Variants in FAM114A2 observed in about 807,000 individuals in gnomAD.
The protein encoded by FAM114A2 is family with sequence similarity 114 member A2.
A neutral mutation model predicts 58.4 loss-of-function variants in FAM114A2; 53 were observed. That is an observed-to-expected ratio of 0.91 (90% CI 0.73 to 1.14). The LOEUF (loss-of-function observed/expected upper bound fraction) is 1.14, where lower values mean the gene tolerates loss of function less well. Ranked by LOEUF, FAM114A2 falls within the 50% of genes most tolerant of loss-of-function variation. FAM114A2 has a pLI of 0.00. For missense variants in FAM114A2, 601 were observed against 581.1 expected (o/e 1.03, Z -0.35); for synonymous variants, 228 against 211.4 (o/e 1.08, Z -0.68).
At chr5:154,024,452 G>A (rs1771646200) in intron 8 of FAM114A2, among the ~76,000 whole-genome samples, 1 of 151,942 alleles carries the variant, frequency 6.6e-6, no homozygotes, top group South Asian at 2.1e-4. Flanking sequence ...GTGCCATCAG[G>A]GTTGAATCTC....
chr5:154,029,259 C>T lies in FAM114A2; in HGVS notation c.495+230G>A, dbSNP rs553010830. Among the ~76,000 whole-genome samples the T allele has an allele frequency of 3.5e-4, 53 of 152,262 alleles. 1 individual carries two copies. The highest frequency in any genetic ancestry group is 3.1e-3 in the Admixed American group (47 of 15,296). Reference sequence around the variant, plus strand: ...ATATTGCCTCTCTGTAACTCCTACTCCCTTATTTATTGCTACTCCTTTATT... The same window carrying T: ...ATATTGCCTCTCTGTAACTCCTACTTCCTTATTTATTGCTACTCCTTTATT... On this transcript the variant is annotated intron_variant, in intron 5 of 13. Transcript: ENST00000351797.
chr5:153,992,629 C>CA lies in FAM114A2; in HGVS notation c.*346dup, dbSNP rs1472738522. 39 of 165,950 alleles carry CA rather than the reference C, an allele frequency of 2.4e-4. No homozygotes were observed. The highest frequency in any genetic ancestry group is 9.0e-4 in the African/African-American group (38 of 42,064). 10.3% of individuals were successfully genotyped at this position (165,950 alleles called of 1,614,324 possible). On this transcript the variant is annotated 3_prime_UTR_variant, in exon 14 of 14. Transcript: ENST00000351797. ...ATCAACCAGTTATATCCATGGGCTG[C>CA]AAATTATATCCATGACAAAATTGAT...
chr5:154,016,205 G>A (rs1410873190), intron 8 of FAM114A2, among the ~76,000 whole-genome samples: 3 of 151,874 alleles, frequency 2.0e-5, no homozygotes, highest in African/African-American at 7.3e-5. Context: ...GGGAATAATC[G>A]AGGAAAACTT....
intron 8 of FAM114A2, among the ~76,000 whole-genome samples, chr5:154,017,307 T>C (rs895835951): frequency 8.5e-5 from 13 of 152,144 alleles, no homozygotes; most frequent in Admixed American, 2.0e-4. Flanking sequence ...CCAGGCGTGG[T>C]GGCACATGCC....
intron 11 of FAM114A2, among the ~76,000 whole-genome samples, chr5:154,001,971 TTCTC>T (rs1770005423): frequency 6.6e-6 from 1 of 152,238 alleles, no homozygotes; most frequent in Non-Finnish European, 1.5e-5. Context: ...CTTAGAACTC[TTCTC>T]TGTTTTCACT....
At chr5:154,030,041 T>C (rs984384055) in intron 4 of FAM114A2, among the ~76,000 whole-genome samples, 12 of 152,326 alleles carry the variant, frequency 7.9e-5, no homozygotes, top group African/African-American at 2.9e-4. Context: ...TCATTCTATA[T>C]AGAATGTTTT....
chr5:154,035,529 T>C (rs1772497353), intron 1 of FAM114A2, among the ~76,000 whole-genome samples: 1 of 152,246 alleles, frequency 6.6e-6, no homozygotes, highest in African/African-American at 2.4e-5. Context: ...TATTCCTTCC[T>C]TTTTATTTCT....
At position 154,026,598 on chromosome 5, in the gene FAM114A2, T is replaced by C. The variant is rs1581824479; in HGVS notation, c.790-76A>G. 1.3e-5 allele frequency: 14 copies of C among 1,048,490 alleles called. No individual in the cohort carries two copies. In the East Asian group the frequency reaches 3.0e-4, roughly 23 times the overall value. The allele number at this position is 1,048,490 out of a possible 1,614,324, so 64.9% of individuals were successfully genotyped here. On this transcript the variant is annotated intron_variant, in intron 7 of 13. Coordinates refer to ENST00000351797, the MANE Select transcript of FAM114A2 (RefSeq NM_018691.4). ...ACATTCACAAATAGGGAAGAGACTA[T>C]AAAAAGATCATATTGAAGTCAAAAT...
intron 8 of FAM114A2, among the ~76,000 whole-genome samples, chr5:154,025,638 T>G (rs1771725513): frequency 6.6e-6 from 1 of 152,160 alleles, no homozygotes. Context: ...CATTCACTTT[T>G]AATGTTTATA....
chr5:154,004,097 A>G (rs538501314), intron 9 of FAM114A2, among the ~76,000 whole-genome samples: 201 of 152,258 alleles, frequency 1.3e-3, no homozygotes, highest in Non-Finnish European at 2.3e-3. Flanking sequence ...GTGTAAGTAC[A>G]CTCTCTGATA....
At chr5:154,004,256 G>C (rs945623107) in intron 9 of FAM114A2, among the ~76,000 whole-genome samples, 15 of 152,018 alleles carry the variant, frequency 9.9e-5, no homozygotes, top group African/African-American at 3.4e-4. Context: ...ACTTTCTTCT[G>C]TTCTCCTCTG....
At chr5:153,998,751 G>A (rs765459645) in intron 11 of FAM114A2, among the ~76,000 whole-genome samples, 5 of 151,782 alleles carry the variant, frequency 3.3e-5, no homozygotes, top group Non-Finnish European at 5.9e-5. Context: ...CCAGAATCAT[G>A]AGCCAAATAA....
rs773382579 is a variant in FAM114A2 at position 154,034,928 on chromosome 5, G to A, written c.26C>T (p.Thr9Ile). The change falls in exon 2 of 14, where the codon ACT becomes ATT. Residue 9 changes from threonine (T) to isoleucine (I), a missense_variant. Transcript: ENST00000351797. Reference sequence around the variant, plus strand: ...GGGGGCTGCTTCAGTTAGCAGTGGAGTCTCAATATCATCTTTATCTGACAT... The same window carrying A: ...GGGGGCTGCTTCAGTTAGCAGTGGAATCTCAATATCATCTTTATCTGACAT... MSDKDDIE[T>I]PLLTEAAPIL... 6.2e-7 allele frequency: 1 copy of A among 1,613,756 alleles called. No individual in the cohort carries two copies. Among genetic ancestry groups the A allele is most frequent in the Non-Finnish European group, 8.5e-7 (1 of 1,179,718 alleles).
rs1315473546 is a variant in FAM114A2, at chr5:154,034,637, A to G, written c.210+107T>C. 5 of 820,590 alleles carry G rather than the reference A, an allele frequency of 6.1e-6. No individual in the cohort carries two copies. The African/African-American group carries it at 6.8e-5, about 11-fold the overall frequency. 50.8% of individuals were successfully genotyped at this position (820,590 alleles called of 1,614,324 possible). ...ATTTTAGGGTTGTAAAGAGAAAGAAATAAGAGCAATTCTAAATTGGTATTT... is the reference window on the plus strand; with the variant it reads ...ATTTTAGGGTTGTAAAGAGAAAGAAGTAAGAGCAATTCTAAATTGGTATTT... On this transcript the variant is annotated intron_variant, in intron 2 of 13. Coordinates refer to ENST00000351797, the MANE Select transcript of FAM114A2 (RefSeq NM_018691.4).
intron 1 of FAM114A2, among the ~76,000 whole-genome samples, chr5:154,037,678 T>C (rs1279508434): frequency 6.6e-6 from 1 of 152,152 alleles, no homozygotes; most frequent in African/African-American, 2.4e-5. Flanking sequence ...ATTACATAAA[T>C]TCATATAATT....
chr5:154,025,932 TA>T (rs1182702416), intron 8 of FAM114A2, among the ~76,000 whole-genome samples: 3 of 152,014 alleles, frequency 2.0e-5, no homozygotes, highest in Non-Finnish European at 4.4e-5. Flanking sequence ...GTTTTCAAAA[TA>T]AAAAAAGACA....
intron 8 of FAM114A2, among the ~76,000 whole-genome samples, chr5:154,022,554 A>T (rs1487106498): frequency 6.6e-6 from 1 of 152,272 alleles, no homozygotes; most frequent in Non-Finnish European, 1.5e-5. Flanking sequence ...ATCACTGGTC[A>T]TCAGAGAAAT....
chr5:154,033,966 C>T, intron 3 of FAM114A2, 83 bp from the exon 4 acceptor site: 1 of 819,362 alleles, frequency 1.2e-6, no homozygotes. Context: ...TTTTTAAAAT[C>T]ATTTAGGACC....
chr5:153,995,210 T>A, intron 12 of FAM114A2: 1 of 394,508 alleles, frequency 2.5e-6, no homozygotes. Flanking sequence ...TACCTTTTTA[T>A]TGACTTTAAA....
Sources: allele counts gnomAD v4.1 joint callset (sites outside exome capture counted in the v4.1 genomes callset), GRCh38; gene constraint gnomAD v4.1.1; transcripts MANE v1.5; gene names NCBI Gene and HGNC (gene_info 2026-07-23, HGNC 2026-07-21).